PCDHGA2: variants seen among roughly 807,000 people sequenced by gnomAD.
PCDHGA2 encodes the protein protocadherin gamma subfamily A, 2, also known as protocadherin gamma-A2.
A neutral mutation model predicts 59.2 loss-of-function variants in PCDHGA2; 40 were observed. The observed-to-expected ratio is 0.68, with a 90% CI of 0.52 to 0.88. PCDHGA2 has a LOEUF of 0.88. Among genes scored for constraint, PCDHGA2 ranks in the 40% least tolerant of loss-of-function variants. The pLI, the probability that PCDHGA2 is intolerant of heterozygous loss-of-function variation, is 0.00. For missense variants in PCDHGA2, 1,226 were observed against 1,204.0 expected (o/e 1.02, Z -0.27); for synonymous variants, 560 against 526.0 (o/e 1.06, Z -0.89).
chr5:141,364,241 C>T (rs1408729947), intron 1 of PCDHGA2: 2 of 1,442,340 alleles, frequency 1.4e-6, no homozygotes, highest in Non-Finnish European at 1.8e-6. Flanking sequence ...CGCCCATTTT[C>T]GTCAGGGAAT....
intron 1 of PCDHGA2, among the ~76,000 whole-genome samples, chr5:141,450,888 G>A (rs1038570371): frequency 6.9e-5 from 10 of 145,278 alleles, no homozygotes; most frequent in Admixed American, 4.1e-4. Context: ...GCAGTGGTGC[G>A]ATATCGGCTC....
intron 1 of PCDHGA2, among the ~76,000 whole-genome samples, chr5:141,488,007 G>A (rs1269050547): frequency 6.6e-6 from 1 of 152,178 alleles, no homozygotes; most frequent in African/African-American, 2.4e-5. Flanking sequence ...ATCAGATTCT[G>A]AAGTACCTTA....
chr5:141,422,467 G>A (rs1380910490), intron 1 of PCDHGA2: 1 of 1,613,664 alleles, frequency 6.2e-7, no homozygotes, highest in Non-Finnish European at 8.5e-7. Context: ...GCTGGACAGG[G>A]AGTTGGTCCA....
rs760790964 is a variant in PCDHGA2, at chr5:141,374,159, G to T, written c.2424+32764G>T. The T allele has an allele frequency of 2.7e-5, 44 of 1,612,170 alleles. No homozygotes were observed. Among genetic ancestry groups the T allele is most frequent in the Non-Finnish European group, 3.4e-5 (40 of 1,179,004 alleles). ...CACGCTCCTGGGGACGCTGTGGGGG[G>T]CCGCGGCAGCGCAGATCCGCTACTC... On this transcript the variant is annotated intron_variant, in intron 1 of 3. Transcript: ENST00000394576.
intron 1 of PCDHGA2, chr5:141,365,444 C>T (rs771471249): frequency 3.7e-6 from 6 of 1,613,872 alleles, no homozygotes; most frequent in South Asian, 2.2e-5. Context: ...GTTTAGCGTA[C>T]ATGATGGTGA....
chr5:141,408,448 G>A, intron 1 of PCDHGA2: 4 of 1,614,054 alleles, frequency 2.5e-6, no homozygotes, highest in Non-Finnish European at 2.5e-6. Context: ...CGGAGAGCGG[G>A]GACTTACTTG....
intron 1 of PCDHGA2, chr5:141,408,678 A>G (rs758302984): frequency 2.5e-6 from 4 of 1,613,862 alleles, no homozygotes; most frequent in African/African-American, 1.3e-5. Context: ...CCTGCCACGG[A>G]TCCTGATATA....
At position 141,491,305 on chromosome 5, in the gene PCDHGA2, G is replaced by T. The variant is rs1461861151; in HGVS notation, c.2425-3502G>T. 6.2e-7 allele frequency: 1 copy of T among 1,614,176 alleles called. No homozygotes were observed. Among genetic ancestry groups the T allele is most frequent in the African/African-American group, 1.3e-5 (1 of 75,048 alleles). ...CCTCATACACCCTCCTGAGCGTTCA[G>T]ACCTTACCCTTTACCTCATTGTGGC... On this transcript the variant is annotated intron_variant, in intron 1 of 3. Coordinates refer to ENST00000394576, the MANE Select transcript of PCDHGA2 (RefSeq NM_018915.4). This position sits in a 1 kb window ranked among gnomAD's most constrained non-coding sequence, Gnocchi z 6.9.
At chr5:141,500,469 AAAG>A (rs1479386829) in intron 2 of PCDHGA2, among the ~76,000 whole-genome samples, 1 of 152,052 alleles carries the variant, frequency 6.6e-6, no homozygotes, top group Non-Finnish European at 1.5e-5. Context: ...TCGGCCTCCC[AAAG>A]TGCTGGGATT....
intron 1 of PCDHGA2, chr5:141,384,638 G>A: frequency 1.2e-6 from 2 of 1,614,188 alleles, no homozygotes; most frequent in Non-Finnish European, 8.5e-7. Flanking sequence ...CTGGCACCCC[G>A]CTCCGCAGAG....
At chr5:141,374,922 C>T in intron 1 of PCDHGA2, 2 of 1,613,928 alleles carry the variant, frequency 1.2e-6, no homozygotes, top group Non-Finnish European at 1.7e-6. Context: ...GTAACTTATT[C>T]CTTTGTGAAG....
At chr5:141,484,863 G>T (rs561595169) in intron 1 of PCDHGA2, 136 of 273,782 alleles carry the variant, frequency 5.0e-4, no homozygotes, top group African/African-American at 2.8e-3. Context: ...GGGGGTGGGG[G>T]AGCGTGGAGG....
At chr5:141,373,534 T>C (rs1191585178) in intron 1 of PCDHGA2, among the ~76,000 whole-genome samples, 1 of 152,172 alleles carries the variant, frequency 6.6e-6, no homozygotes, top group East Asian at 1.9e-4. Flanking sequence ...AAAAAAGTGT[T>C]TGTGGTTGTT....
chr5:141,417,211 T>C (rs1027777607), intron 1 of PCDHGA2: 1 of 152,174 alleles, frequency 6.6e-6, no homozygotes, highest in Admixed American at 6.5e-5. Context: ...TAGGCTAGAA[T>C]TGAAGACAAA....
At chr5:141,409,438 A>C (rs1459982502) in intron 1 of PCDHGA2, 1 of 1,613,866 alleles carries the variant, frequency 6.2e-7, no homozygotes, top group Non-Finnish European at 8.5e-7. Context: ...CCCTGGACCG[A>C]GAGCAGACAC....
At position 141,408,301 on chromosome 5, in the gene PCDHGA2, C is replaced by T. The variant is rs1472435921; in HGVS notation, c.2424+66906C>T. 3.1e-6 allele frequency: 5 copies of T among 1,613,756 alleles called. No individual in the cohort carries two copies. In the Admixed American group the frequency reaches 8.3e-5, roughly 27 times the overall value. ...TCTACCCCACCCTGAGTGAGCCGAT[C>T]CGCTACTCGATTCCGGAGGAGCTGG... On this transcript the variant is annotated intron_variant, in intron 1 of 3. Transcript: ENST00000394576.
intron 1 of PCDHGA2, chr5:141,362,043 C>T: frequency 6.2e-7 from 1 of 1,610,452 alleles, no homozygotes; most frequent in South Asian, 1.1e-5. Flanking sequence ...GCGACAGGGA[C>T]GCGGCCCGCC....
chr5:141,392,546 T>A (rs1207052717), intron 1 of PCDHGA2: 1 of 336,090 alleles, frequency 3.0e-6, no homozygotes, highest in Non-Finnish European at 5.4e-6. Flanking sequence ...AGAAGTAATC[T>A]GTATCTCAGT....
At chr5:141,494,554 T>C (rs1270280236) in intron 1 of PCDHGA2, among the ~76,000 whole-genome samples, 1 of 152,178 alleles carries the variant, frequency 6.6e-6, no homozygotes, top group African/African-American at 2.4e-5. Flanking sequence ...GGGCCATTTC[T>C]TTAGGAAAGG....
Sources: gnomAD v4.1 joint callset for allele counts (sites outside exome capture counted in the v4.1 genomes callset) on GRCh38, gnomAD v4.1.1 for gene constraint, Gnocchi (gnomAD v3.1) non-coding constraint, MANE v1.5 for transcripts, NCBI Gene and HGNC (gene_info 2026-07-23, HGNC 2026-07-21) for gene names.